Variants in CIMAP1B observed in about 807,000 individuals in gnomAD.
CIMAP1B encodes ciliary microtubule associated protein 1B.
chr22:50,532,249 T>G, the CIMAP1B span: 5 of 891,258 alleles, frequency 5.6e-6, no homozygotes, highest in African/African-American at 1.7e-5. Flanking sequence ...AACGCGAGCT[T>G]CCTTCCCGGC....
chr22:50,531,806 C>G, the CIMAP1B span: 8 of 1,349,326 alleles, frequency 5.9e-6, no homozygotes, highest in Non-Finnish European at 7.6e-6. Context: ...CTGGCCGGGC[C>G]CAGCCCCAAG....
chr22:50,531,897 C>G, the CIMAP1B span: 1 of 1,313,514 alleles, frequency 7.6e-7, no homozygotes, highest in Non-Finnish European at 9.8e-7. Context: ...GAGCGCAGGC[C>G]TCCCTGGTCT....
At chr22:50,530,457 TG>T in the CIMAP1B span, 1 of 1,577,130 alleles carries the variant, frequency 6.3e-7, no homozygotes, top group South Asian at 1.2e-5. Flanking sequence ...CAAACACGTG[TG>T]GGGCCGCTCC....
At chr22:50,532,047 G>A in the CIMAP1B span, 2 of 1,345,514 alleles carry the variant, frequency 1.5e-6, no homozygotes, top group Non-Finnish European at 9.6e-7. Flanking sequence ...CGGTGTGGCC[G>A]CCAAAGGCCC....
the CIMAP1B span, chr22:50,530,896 G>A: frequency 3.7e-6 from 6 of 1,608,194 alleles, no homozygotes; most frequent in African/African-American, 8.0e-5. Flanking sequence ...CCACTGCCGC[G>A]GACCAGGGAC....
chr22:50,530,847 C>T, the CIMAP1B span: 4 of 1,604,198 alleles, frequency 2.5e-6, no homozygotes, highest in East Asian at 6.7e-5. Flanking sequence ...CGCAGGGGCC[C>T]GGGGTCTGCG....
chr22:50,531,648 G>C, the CIMAP1B span: 16 of 1,379,596 alleles, frequency 1.2e-5, no homozygotes, highest in Non-Finnish European at 1.5e-5. Context: ...TCGGTGCCGC[G>C]CACGGTCATG....
At chr22:50,531,566 T>C in the CIMAP1B span, 2 of 1,423,576 alleles carry the variant, frequency 1.4e-6, no homozygotes, top group Middle Eastern at 1.8e-4. Flanking sequence ...CCGGGGGTCC[T>C]GACCAGGTCC....
the CIMAP1B span, chr22:50,530,685 G>T: frequency 1.1e-5 from 18 of 1,608,906 alleles, no homozygotes; most frequent in Non-Finnish European, 1.5e-5. Context: ...TCCTGACTCT[G>T]ACCCTTGACC....
the CIMAP1B span, chr22:50,531,299 C>T: frequency 4.4e-6 from 7 of 1,604,930 alleles, no homozygotes; most frequent in Non-Finnish European, 6.0e-6. Context: ...TACCTGCCTG[C>T]GGGGCGGATC....
chr22:50,531,944 C>A, the CIMAP1B span: 1 of 1,319,122 alleles, frequency 7.6e-7, no homozygotes, highest in Non-Finnish European at 9.7e-7. Context: ...TCCCACCCCT[C>A]AATCCCGGGG....
the CIMAP1B span, chr22:50,530,609 G>A: frequency 3.2e-6 from 5 of 1,565,454 alleles, no homozygotes; most frequent in South Asian, 4.7e-5. Flanking sequence ...CATCCTCTCC[G>A]CGCCGGGACC....
the CIMAP1B span, chr22:50,530,721 G>C: frequency 1.9e-6 from 3 of 1,611,920 alleles, no homozygotes; most frequent in Non-Finnish European, 2.5e-6. Context: ...CCTGATCCAC[G>C]TTGTAGGCCG....
the CIMAP1B span, chr22:50,530,929 TC>T: frequency 2.5e-6 from 4 of 1,609,536 alleles, no homozygotes; most frequent in Non-Finnish European, 3.4e-6. Context: ...CCCCGGCCCC[TC>T]CCCCACCTTG....
At chr22:50,532,335 T>G in the CIMAP1B span, 9 of 366,246 alleles carry the variant, frequency 2.5e-5, no homozygotes, top group Non-Finnish European at 2.8e-5. Flanking sequence ...GGACGTGAAC[T>G]CGCGGGGGCC....
At chr22:50,532,145 A>C in the CIMAP1B span, 1 of 1,318,498 alleles carries the variant, frequency 7.6e-7, no homozygotes, top group East Asian at 3.1e-5. Flanking sequence ...CGGCCCCTGC[A>C]CCGCAAATTC....
the CIMAP1B span, chr22:50,532,291 G>A: frequency 1.7e-6 from 1 of 605,606 alleles, no homozygotes; most frequent in African/African-American, 1.9e-5. Flanking sequence ...AGCGGATCCA[G>A]GGCCATCACC....
the CIMAP1B span, chr22:50,531,678 C>A: frequency 7.3e-7 from 1 of 1,369,260 alleles, no homozygotes; most frequent in Non-Finnish European, 9.4e-7. Flanking sequence ...ACCAGGTGGC[C>A]TGGCCCGGGG....
the CIMAP1B span, chr22:50,531,133 G>A: frequency 1.3e-6 from 2 of 1,587,220 alleles, no homozygotes; most frequent in African/African-American, 1.3e-5. Flanking sequence ...CCCGGAGGGC[G>A]GTCCCCGGTC....
Sources: gnomAD v4.1 joint callset for allele counts on GRCh38, gnomAD v4.1.1 for gene constraint, MANE v1.5 for transcripts, NCBI Gene and HGNC (gene_info 2026-07-23, HGNC 2026-07-21) for gene names.